Variants in C8orf34 observed in about 807,000 individuals in gnomAD.
The protein encoded by C8orf34 is uncharacterized protein C8orf34.
In C8orf34, 65 loss-of-function variants were observed where a neutral mutation model predicts 68.3. The ratio of observed to expected loss-of-function variants is 0.95; its 90% CI spans 0.78 to 1.17. The LOEUF is 1.17. C8orf34 is among the 50% of genes most tolerant of loss of function. The probability of loss-of-function intolerance (pLI) is 0.00; values close to 1 mark genes in which losing one functional copy is unlikely to be tolerated. For missense variants in C8orf34, 664 were observed against 655.4 expected (o/e 1.01, Z -0.14); for synonymous variants, 244 against 241.2 (o/e 1.01, Z -0.11).
At chr8:68,690,343 G>A (rs558501940) in intron 8 of C8orf34, among the ~76,000 whole-genome samples, 10 of 151,966 alleles carry the variant, frequency 6.6e-5, no homozygotes, top group Non-Finnish European at 1.2e-4. Flanking sequence ...AAAATTAGCA[G>A]GAGAAAAGCA....
At chr8:68,686,784 G>T (rs933729047) in intron 8 of C8orf34, among the ~76,000 whole-genome samples, 6 of 152,082 alleles carry the variant, frequency 3.9e-5, no homozygotes, top group African/African-American at 1.4e-4. Flanking sequence ...GGGCAATCAG[G>T]CAAGAGAAAG....
At chr8:68,666,558 G>T (rs1819848213) in intron 8 of C8orf34, among the ~76,000 whole-genome samples, 1 of 152,182 alleles carries the variant, frequency 6.6e-6, no homozygotes, top group East Asian at 1.9e-4. Flanking sequence ...ATTTTGATCT[G>T]CAAATTCAAT....
intron 7 of C8orf34, among the ~76,000 whole-genome samples, chr8:68,550,084 A>G (rs1816015528): frequency 6.6e-6 from 1 of 151,820 alleles, no homozygotes; most frequent in Non-Finnish European, 1.5e-5. Context: ...TAACATTTAA[A>G]GTAATTATTG....
intron 7 of C8orf34, among the ~76,000 whole-genome samples, chr8:68,571,079 G>A (rs566203983): frequency 1.3e-5 from 2 of 152,248 alleles, no homozygotes; most frequent in South Asian, 4.2e-4. Context: ...CTCCGTGGAG[G>A]AGAGTAGGAC....
chr8:68,474,219 A>G (rs1347728387), intron 4 of C8orf34, among the ~76,000 whole-genome samples: 1 of 152,154 alleles, frequency 6.6e-6, no homozygotes, highest in Non-Finnish European at 1.5e-5. Flanking sequence ...ATGCCATGTT[A>G]AACTCAATGT....
chr8:68,458,529 A>T (rs984759196), intron 3 of C8orf34, among the ~76,000 whole-genome samples: 4 of 152,238 alleles, frequency 2.6e-5, no homozygotes, highest in African/African-American at 9.6e-5. Flanking sequence ...ACATATAGTG[A>T]TTAGCAGAAA....
chr8:68,403,972 A>G (rs1809074187), intron 1 of C8orf34, among the ~76,000 whole-genome samples: 1 of 152,116 alleles, frequency 6.6e-6, no homozygotes, highest in South Asian at 2.1e-4. Context: ...GTCTTCCACA[A>G]TGGTTTAACA....
intron 10 of C8orf34, among the ~76,000 whole-genome samples, chr8:68,768,628 A>G (rs1172468117): frequency 6.6e-6 from 1 of 152,212 alleles, no homozygotes; most frequent in African/African-American, 2.4e-5. Context: ...CATGCATGGT[A>G]GTCTCAGAAC....
At chr8:68,796,151 G>A (rs1030392152) in intron 12 of C8orf34, among the ~76,000 whole-genome samples, 7 of 152,084 alleles carry the variant, frequency 4.6e-5, no homozygotes, top group Admixed American at 1.3e-4. Context: ...ATTGACATAC[G>A]GCAAGTTAAA....
intron 6 of C8orf34, chr8:68,525,645 AT>A: frequency 1.4e-6 from 1 of 711,744 alleles, no homozygotes. Context: ...TTATGCTGCC[AT>A]TTTTCTAGAT....
At chr8:68,333,167 A>G (rs1252278409) in intron 1 of C8orf34, among the ~76,000 whole-genome samples, 1 of 152,226 alleles carries the variant, frequency 6.6e-6, no homozygotes, top group Non-Finnish European at 1.5e-5. Context: ...TTTCTGCAGA[A>G]TTAGAAAATA....
intron 7 of C8orf34, among the ~76,000 whole-genome samples, chr8:68,636,071 A>G (rs550627168): frequency 2.6e-5 from 4 of 152,252 alleles, no homozygotes; most frequent in African/African-American, 9.6e-5. Context: ...GGCTTTGAAT[A>G]TGTTCTGATT....
At chr8:68,586,850 A>C (rs1160684648) in intron 7 of C8orf34, among the ~76,000 whole-genome samples, 1 of 152,190 alleles carries the variant, frequency 6.6e-6, no homozygotes, top group Non-Finnish European at 1.5e-5. Context: ...CTATAGCCCA[A>C]GGACCAAATT....
At chr8:68,620,702 A>G (rs1291747857) in intron 7 of C8orf34, among the ~76,000 whole-genome samples, 6 of 152,022 alleles carry the variant, frequency 3.9e-5, no homozygotes, top group Non-Finnish European at 7.4e-5. Context: ...GAAAAAAAAA[A>G]AGAAAAAGAA....
chr8:68,798,221 C>A (rs1465056213), intron 12 of C8orf34, among the ~76,000 whole-genome samples: 1 of 151,194 alleles, frequency 6.6e-6, no homozygotes, highest in Non-Finnish European at 1.5e-5. Flanking sequence ...ACTCCTTGAG[C>A]TCAAGTGCTC....
intron 8 of C8orf34, among the ~76,000 whole-genome samples, chr8:68,692,428 T>C (rs1172541319): frequency 6.6e-6 from 1 of 152,084 alleles, no homozygotes; most frequent in Non-Finnish European, 1.5e-5. Context: ...CACAGTCATT[T>C]ATGAACATGT....
At position 68,497,891 on chromosome 8, in the gene C8orf34, C is replaced by T. The variant is rs147076737; in HGVS notation, c.765+9840C>T. The stretch of plus-strand genomic sequence containing the variant: ...TTGCCCAGGCTGGAGTGGAATGGTG[C>T]GATGTTGGATCACCGCAACCTCCGC... On this transcript the variant is annotated intron_variant, in intron 5 of 13. Transcript: ENST00000518698. 3.3e-3 allele frequency among the ~76,000 whole-genome samples: 501 copies of T among 152,070 alleles called. 4 individuals are homozygous for T. Among genetic ancestry groups the T allele is most frequent in the African/African-American group, 0.011 (457 of 41,464 alleles).
At chr8:68,590,965 G>A (rs1160115869) in intron 7 of C8orf34, among the ~76,000 whole-genome samples, 3 of 152,110 alleles carry the variant, frequency 2.0e-5, no homozygotes, top group Admixed American at 6.6e-5. Context: ...ATGGCATTCC[G>A]AAGAACCCAG....
At chr8:68,418,878 C>G (rs1809804975) in intron 1 of C8orf34, among the ~76,000 whole-genome samples, 1 of 151,568 alleles carries the variant, frequency 6.6e-6, no homozygotes, top group South Asian at 2.1e-4. Flanking sequence ...CATAAAAACC[C>G]TAGAAGAAAA....
Sources: gnomAD v4.1 joint callset for allele counts (sites outside exome capture counted in the v4.1 genomes callset) on GRCh38, gnomAD v4.1.1 for gene constraint, MANE v1.5 for transcripts, NCBI Gene and HGNC (gene_info 2026-07-23, HGNC 2026-07-21) for gene names.